UBAC2: variants seen among roughly 807,000 people sequenced by gnomAD.
UBAC2 encodes the protein UBA domain containing 2.
In UBAC2, 26 loss-of-function variants were observed where a neutral mutation model predicts 44.0. The observed-to-expected ratio is 0.59, with a 90% CI of 0.43 to 0.82. The LOEUF is 0.82. Ranked by LOEUF, UBAC2 falls within the 40% of genes least tolerant of loss-of-function variation. The probability of loss-of-function intolerance (pLI) is 0.00; values close to 1 mark genes in which losing one functional copy is unlikely to be tolerated. For missense variants in UBAC2, 329 were observed against 419.4 expected, an observed-to-expected ratio of 0.78 and a Z score of 1.88; for synonymous variants, 155 against 154.3, an observed-to-expected ratio of 1.00 and a Z score of -0.04.
chr13:99,301,865 C>T (rs1447610487), intron 4 of UBAC2, among the ~76,000 whole-genome samples: 1 of 152,202 alleles, frequency 6.6e-6, no homozygotes, highest in Non-Finnish European at 1.5e-5. Flanking sequence ...GCTAGAATAA[C>T]AGCTTTTGGT....
intron 6 of UBAC2, among the ~76,000 whole-genome samples, chr13:99,334,118 TTTTA>T (rs2044754435): frequency 1.3e-5 from 2 of 152,008 alleles, no homozygotes; most frequent in East Asian, 3.9e-4. Context: ...AGCTAATTCT[TTTTA>T]TTTATTCTTA....
chr13:99,201,235 G>A (rs1352069982), intron 1 of UBAC2: 1 of 1,434,310 alleles, frequency 7.0e-7, no homozygotes, highest in Non-Finnish European at 9.1e-7. Context: ...CAGGTGCCCT[G>A]GTGTTCTCGT....
intron 1 of UBAC2, among the ~76,000 whole-genome samples, chr13:99,217,434 G>A (rs984991143): frequency 3.9e-5 from 6 of 152,226 alleles, no homozygotes; most frequent in African/African-American, 1.2e-4. Flanking sequence ...CCAGACCCAC[G>A]TAGGCTATGC....
chr13:99,227,050 T>C (rs562989852), intron 1 of UBAC2, among the ~76,000 whole-genome samples: 1 of 151,920 alleles, frequency 6.6e-6, no homozygotes, highest in Non-Finnish European at 1.5e-5. Flanking sequence ...AATACAAAAT[T>C]AGCCAGTTGT....
At position 99,255,392 on chromosome 13, in the gene UBAC2, T is replaced by C; in HGVS notation, c.389+10768T>C. ...GGAGTGGAGTCTTTATCTGGGTCTT[T>C]ATAGAGCAGTAGCAGAGGGGTGGTC... is the stretch of plus-strand genomic sequence containing the variant. On this transcript the variant is annotated intron_variant, in intron 4 of 8. Transcript: ENST00000403766. 6.2e-7 allele frequency: 1 copy of C among 1,614,124 alleles called. No homozygotes were observed. Among genetic ancestry groups the C allele is most frequent in the Non-Finnish European group, 8.5e-7 (1 of 1,180,020 alleles).
chr13:99,266,640 G>T (rs1264154510), intron 4 of UBAC2, among the ~76,000 whole-genome samples: 1 of 152,110 alleles, frequency 6.6e-6, no homozygotes, highest in Non-Finnish European at 1.5e-5. Flanking sequence ...ATTATACTAA[G>T]ATATTAAACA....
chr13:99,341,747 T>C (rs888899063), intron 7 of UBAC2, among the ~76,000 whole-genome samples: 1 of 152,094 alleles, frequency 6.6e-6, no homozygotes, highest in Non-Finnish European at 1.5e-5. Flanking sequence ...GGTAAATCCT[T>C]CAAGGAAACT....
intron 6 of UBAC2, among the ~76,000 whole-genome samples, chr13:99,327,527 G>A (rs546362187): frequency 1.5e-4 from 22 of 151,682 alleles, no homozygotes; most frequent in Non-Finnish European, 2.1e-4. Context: ...GTTTGTCTTC[G>A]GGGACTGACT....
At chr13:99,237,762 C>T (rs2043255536) in intron 1 of UBAC2, among the ~76,000 whole-genome samples, 1 of 152,204 alleles carries the variant, frequency 6.6e-6, no homozygotes, top group South Asian at 2.1e-4. Context: ...TGAGACCAGT[C>T]TGGCCAACAT....
At chr13:99,265,417 T>C (rs147729719) in intron 4 of UBAC2, among the ~76,000 whole-genome samples, 159 of 152,380 alleles carry the variant, frequency 1.0e-3, no homozygotes, top group African/African-American at 3.7e-3. Context: ...CAGACTGTGT[T>C]GGCTTACATC....
intron 6 of UBAC2, among the ~76,000 whole-genome samples, chr13:99,325,196 G>A (rs991097079): frequency 6.8e-5 from 10 of 147,064 alleles, no homozygotes; most frequent in African/African-American, 1.7e-4. Context: ...TCCACCTCCC[G>A]GGTTCACACC....
rs182506610 is a variant in UBAC2 at position 99,361,720 on chromosome 13, C to T, written c.808-6067C>T. Among the ~76,000 whole-genome samples the T allele has an allele frequency of 3.4e-3, 515 of 152,322 alleles. 2 individuals carry two copies. Among genetic ancestry groups the T allele is most frequent in the African/African-American group, 0.012 (486 of 41,564 alleles). On this transcript the variant is annotated intron_variant, in intron 7 of 8. Coordinates refer to ENST00000403766, the MANE Select transcript of UBAC2 (RefSeq NM_001144072.2). ...ACCTACTAAATGCCGACAGCACCAC[C>T]ATCCTGTCCCCCCTCCCCTCCTTCA...
chr13:99,290,024 T>C (rs930427815), intron 4 of UBAC2, among the ~76,000 whole-genome samples: 4 of 152,084 alleles, frequency 2.6e-5, no homozygotes, highest in African/African-American at 9.7e-5. Flanking sequence ...CTGGAACATA[T>C]CTGTTTATTT....
chr13:99,334,921 T>C (rs2044765156), intron 6 of UBAC2, among the ~76,000 whole-genome samples: 1 of 152,030 alleles, frequency 6.6e-6, no homozygotes, highest in Non-Finnish European at 1.5e-5. Flanking sequence ...AGCCTGAAAT[T>C]AAAAGGATGA....
At chr13:99,212,966 A>C (rs1001817229) in intron 1 of UBAC2, among the ~76,000 whole-genome samples, 1 of 152,266 alleles carries the variant, frequency 6.6e-6, no homozygotes, top group African/African-American at 2.4e-5. Flanking sequence ...TATGTAGTGT[A>C]GAAGGGATTA....
intron 4 of UBAC2, among the ~76,000 whole-genome samples, chr13:99,250,783 G>A (rs927164316): frequency 1.3e-5 from 2 of 151,592 alleles, no homozygotes; most frequent in Non-Finnish European, 2.9e-5. Context: ...GTCTCACTCT[G>A]TCACCCAGGC....
At chr13:99,365,254 C>T (rs1336721102) in intron 7 of UBAC2, among the ~76,000 whole-genome samples, 1 of 152,080 alleles carries the variant, frequency 6.6e-6, no homozygotes, top group African/African-American at 2.4e-5. Context: ...TTGTAACAGC[C>T]AGCAGTAGGT....
intron 1 of UBAC2, among the ~76,000 whole-genome samples, chr13:99,202,803 T>C (rs898526253): frequency 6.6e-6 from 1 of 152,154 alleles, no homozygotes; most frequent in African/African-American, 2.4e-5. Context: ...GTGTCTTACA[T>C]GCTCATTTTA....
At chr13:99,297,087 T>G (rs2044186806) in intron 4 of UBAC2, among the ~76,000 whole-genome samples, 1 of 152,228 alleles carries the variant, frequency 6.6e-6, no homozygotes, top group South Asian at 2.1e-4. Flanking sequence ...CATAATTTGC[T>G]TAGCTACTCC....
Sources: gnomAD v4.1 joint callset for allele counts (sites outside exome capture counted in the v4.1 genomes callset) on GRCh38, gnomAD v4.1.1 for gene constraint, MANE v1.5 for transcripts, NCBI Gene and HGNC (gene_info 2026-07-23, HGNC 2026-07-21) for gene names.